FMN1: variants seen among roughly 807,000 people sequenced by gnomAD.
The protein encoded by FMN1 is formin 1.
A neutral mutation model predicts 132.4 loss-of-function variants in FMN1; 110 were observed. That is an observed-to-expected ratio of 0.83 (90% CI 0.71 to 0.97). The LOEUF is 0.97. FMN1 is among the 50% of genes least tolerant of loss of function. The pLI is 0.00. For missense variants in FMN1, 1,792 were observed against 1,705.3 expected (o/e 1.05, Z -0.90); for synonymous variants, 722 against 651.7 (o/e 1.11, Z -1.64).
chr15:32,898,971 A>C, intron 14 of FMN1, 78 bp from the exon 15 acceptor site: 7 of 1,002,184 alleles, frequency 7.0e-6, no homozygotes, highest in Non-Finnish European at 1.1e-5. Flanking sequence ...GTGAAATCTC[A>C]GTTGAGAAAT....
chr15:32,965,748 T>G (rs1206779987), intron 8 of FMN1, among the ~76,000 whole-genome samples: 2 of 152,304 alleles, frequency 1.3e-5, no homozygotes, highest in African/African-American at 4.8e-5. Context: ...TTTTTTAAAT[T>G]ATGATTTCGC....
rs544052154 is a variant in FMN1 at position 33,149,440 on chromosome 15, A to T, written c.1867+3608T>A. 1.2e-4 allele frequency among the ~76,000 whole-genome samples: 18 copies of T among 152,230 alleles called. No individual in the cohort carries two copies. In the East Asian group the frequency reaches 3.5e-3, roughly 29 times the overall value. ...CATTTCTCTAATGATGAACATTCAA[A>T]TTTTTTCTAGCTATTTTTTGCCACT... On this transcript the variant is annotated intron_variant, in intron 4 of 20. Coordinates refer to ENST00000616417, the MANE Select transcript of FMN1 (RefSeq NM_001277313.2).
chr15:32,940,198 C>T (rs563933166), intron 9 of FMN1, among the ~76,000 whole-genome samples: 86 of 152,176 alleles, frequency 5.7e-4, no homozygotes, highest in African/African-American at 2.0e-3. Flanking sequence ...ACCTCTTGGC[C>T]AGCTGTGGAA....
chr15:33,135,989 A>G (rs1421880402), intron 4 of FMN1, among the ~76,000 whole-genome samples: 1 of 152,230 alleles, frequency 6.6e-6, no homozygotes, highest in East Asian at 1.9e-4. Context: ...ACTTAGAACA[A>G]TGATGAATAT....
At chr15:32,958,717 T>C (rs1269184390) in intron 9 of FMN1, among the ~76,000 whole-genome samples, 1 of 152,112 alleles carries the variant, frequency 6.6e-6, no homozygotes, top group Non-Finnish European at 1.5e-5. Flanking sequence ...AAACGTGAAA[T>C]GTGCTGAGGG....
chr15:33,091,941 T>A lies in FMN1; in HGVS notation c.1868-2967A>T, dbSNP rs548598441. 1.9e-4 allele frequency among the ~76,000 whole-genome samples: 29 copies of A among 152,322 alleles called. No homozygotes were observed. The South Asian group carries it at 6.0e-3, about 32-fold the overall frequency. On this transcript the variant is annotated intron_variant, in intron 4 of 20. Coordinates refer to ENST00000616417, the MANE Select transcript of FMN1 (RefSeq NM_001277313.2). ...ATTTTGTGAAAAACTGAATCAGTCT[T>A]ATCAGTTTAAACATGTCTTTCCTTT...
Position 33,079,234 on chromosome 15 carries a change from G to A in FMN1, c.2043+9565C>T, listed in dbSNP as rs1043038038. 5.3e-5 allele frequency among the ~76,000 whole-genome samples: 8 copies of A among 152,328 alleles called. No homozygotes were observed. The South Asian group carries it at 1.0e-3, about 20-fold the overall frequency. ...AGGAGACGAAGAAATAAGAATGTGTGTTATCAAGATCAAAGAAAAGCAAAT... is the reference window on the plus strand; with the variant it reads ...AGGAGACGAAGAAATAAGAATGTGTATTATCAAGATCAAAGAAAAGCAAAT... On this transcript the variant is annotated intron_variant, in intron 5 of 20. Transcript: ENST00000616417.
At chr15:32,983,752 C>G (rs1182954249) in intron 7 of FMN1, among the ~76,000 whole-genome samples, 1 of 152,136 alleles carries the variant, frequency 6.6e-6, no homozygotes, top group African/African-American at 2.4e-5. Flanking sequence ...TAAAGAGACT[C>G]AAGTGTTCAA....
intron 16 of FMN1, among the ~76,000 whole-genome samples, chr15:32,869,070 C>T (rs1244510738): frequency 1.3e-5 from 2 of 152,044 alleles, no homozygotes; most frequent in Admixed American, 1.3e-4. Flanking sequence ...TAGCCCTCAA[C>T]CACAGTGAGG....
intron 9 of FMN1, among the ~76,000 whole-genome samples, chr15:32,944,200 G>A (rs1459512591): frequency 6.6e-6 from 1 of 152,208 alleles, no homozygotes; most frequent in African/African-American, 2.4e-5. Flanking sequence ...TTACTTGGCA[G>A]GTGCCCAGGA....
At chr15:32,936,047 T>C (rs2061261427) in intron 9 of FMN1, among the ~76,000 whole-genome samples, 1 of 152,208 alleles carries the variant, frequency 6.6e-6, no homozygotes, top group Non-Finnish European at 1.5e-5. Flanking sequence ...AGCTTTTAAA[T>C]TTGGTTATTG....
chr15:32,888,857 GTTTTT>G (rs34627075), intron 15 of FMN1, among the ~76,000 whole-genome samples: 45 of 135,592 alleles, frequency 3.3e-4, no homozygotes, highest in Non-Finnish European at 5.6e-4. Context: ...ATATACACAG[GTTTTT>G]TTTTTTTTTT....
intron 9 of FMN1, among the ~76,000 whole-genome samples, chr15:32,927,079 T>C (rs1192557300): frequency 1.3e-5 from 2 of 152,302 alleles, no homozygotes; most frequent in East Asian, 3.9e-4. Context: ...TTACAGGCAT[T>C]AGTCATTGCA....
chr15:33,004,382 T>C (rs995981326), intron 7 of FMN1, among the ~76,000 whole-genome samples: 7 of 152,120 alleles, frequency 4.6e-5, no homozygotes, highest in South Asian at 2.1e-4. Context: ...AGGCGAAGGA[T>C]ATGAACAGAC....
chr15:33,112,405 T>C (rs1020261643), intron 4 of FMN1, among the ~76,000 whole-genome samples: 1 of 152,168 alleles, frequency 6.6e-6, no homozygotes, highest in African/African-American at 2.4e-5. Context: ...TCTGTACTAG[T>C]TTTCTTACAT....
intron 6 of FMN1, among the ~76,000 whole-genome samples, chr15:33,048,764 T>C (rs1007375046): frequency 4.3e-4 from 64 of 150,236 alleles, no homozygotes; most frequent in African/African-American, 1.5e-3. Context: ...AAAGAGAGAG[T>C]TTGTGCAGGG....
Position 33,009,614 on chromosome 15 carries a change from A to G in FMN1, c.2162-1539T>C, listed in dbSNP as rs112496588. 2.0e-3 allele frequency among the ~76,000 whole-genome samples: 303 copies of G among 152,290 alleles called. 1 individual carries two copies. The highest frequency in any genetic ancestry group is 6.8e-3 in the African/African-American group (282 of 41,560). ...GGATTTCATTTGCTGACTACTTACTATATATCAGGCATTATTCTAAGTCTT... is the reference window on the plus strand; with the variant it reads ...GGATTTCATTTGCTGACTACTTACTGTATATCAGGCATTATTCTAAGTCTT... On this transcript the variant is annotated intron_variant, in intron 6 of 20. Transcript: ENST00000616417.
intron 11 of FMN1, 31 bp from the exon 12 acceptor site, chr15:32,908,609 A>G (rs774252009): frequency 3.4e-6 from 4 of 1,192,914 alleles, no homozygotes; most frequent in Non-Finnish European, 4.7e-6. Flanking sequence ...AAACCAAAAA[A>G]AAAAAAAAAA....
At chr15:32,888,055 A>G in intron 16 of FMN1, 117 bp downstream of exon 16, 1 of 765,166 alleles carries the variant, frequency 1.3e-6, no homozygotes, top group Non-Finnish European at 2.0e-6. Context: ...GCTGTAGTGT[A>G]CCATTGCTGA....
Sources: allele counts gnomAD v4.1 joint callset (sites outside exome capture counted in the v4.1 genomes callset), GRCh38; gene constraint gnomAD v4.1.1; transcripts MANE v1.5; gene names NCBI Gene and HGNC (gene_info 2026-07-23, HGNC 2026-07-21).